The following SUPV3L1 variants were observed in gnomAD, a reference collection of about 807,000 sequenced individuals.
The protein encoded by SUPV3L1 is ATP-dependent RNA helicase SUPV3L1, mitochondrial.
In SUPV3L1, 35 loss-of-function variants were observed where a neutral mutation model predicts 70.0. The observed-to-expected ratio is 0.50, with a 90% CI of 0.38 to 0.66. SUPV3L1 has a LOEUF of 0.66. SUPV3L1 is among the 30% of genes least tolerant of loss of function. The pLI is 0.00. For synonymous variants in SUPV3L1, 364 were observed against 341.9 expected, an observed-to-expected ratio of 1.06 and a Z score of -0.71; for missense variants, 777 against 961.5, an observed-to-expected ratio of 0.81 and a Z score of 2.54.
intron 14 of SUPV3L1, 68 bp downstream of exon 14, chr10:69,208,009 G>T (rs1003262012): frequency 7.7e-6 from 12 of 1,560,042 alleles, no homozygotes; most frequent in South Asian, 1.2e-5. Flanking sequence ...TTATGAATTT[G>T]TTTTTCTATT....
chr10:69,184,476 A>C (rs929325316), intron 1 of SUPV3L1, among the ~76,000 whole-genome samples: 3 of 152,216 alleles, frequency 2.0e-5, no homozygotes, highest in Non-Finnish European at 4.4e-5. Context: ...CGGAGGTTGC[A>C]GTGAGCTGAG....
At chr10:69,198,038 TA>T (rs1842587523) in intron 8 of SUPV3L1, among the ~76,000 whole-genome samples, 1 of 152,204 alleles carries the variant, frequency 6.6e-6, no homozygotes, top group Non-Finnish European at 1.5e-5. Flanking sequence ...ATTAATTTTT[TA>T]TTGGGCTCAG....
chr10:69,190,028 T>C (rs1373738966), intron 5 of SUPV3L1, among the ~76,000 whole-genome samples: 1 of 152,182 alleles, frequency 6.6e-6, no homozygotes, highest in East Asian at 1.9e-4. Flanking sequence ...AAATACAATA[T>C]TGAAGAACAT....
In SUPV3L1 at chr10:69,197,045, G is replaced by T; in HGVS notation, c.985G>T (p.Val329Leu). 6.2e-7 allele frequency: 1 copy of T among 1,614,132 alleles called. No individual in the cohort carries two copies. Among genetic ancestry groups the T allele is most frequent in the Non-Finnish European group, 8.5e-7 (1 of 1,180,006 alleles). Reference protein sequence around the residue: ...LCGEPAAIDLVMELMYTTGEE... With the variant: ...LCGEPAAIDLLMELMYTTGEE... ...TGGAGAACCTGCTGCTATTGACCTGGTGATGGAGCTTATGTACACAACGGG... is the reference window on the plus strand; with the variant it reads ...TGGAGAACCTGCTGCTATTGACCTGTTGATGGAGCTTATGTACACAACGGG... The change falls in exon 8 of 15, where the codon GTG becomes TTG. Residue 329 changes from valine to leucine, a missense_variant. By Grantham distance (32) the Val-to-Leu change is conservative. Coordinates refer to ENST00000359655, the MANE Select transcript of SUPV3L1 (RefSeq NM_003171.5).
At chr10:69,194,572 G>A (rs570885593) in intron 6 of SUPV3L1, among the ~76,000 whole-genome samples, 2 of 152,054 alleles carry the variant, frequency 1.3e-5, no homozygotes, top group African/African-American at 2.4e-5. Context: ...GGATGGTCTC[G>A]ATCTCCTGAC....
Position 69,207,849 on chromosome 10 carries a change from C to T in SUPV3L1, c.1833C>T (p.Tyr611=), listed in dbSNP as rs759047968. 7.4e-6 allele frequency: 12 copies of T among 1,614,036 alleles called. No homozygotes were observed. The East Asian group carries it at 2.0e-4, about 27-fold the overall frequency. The change falls in exon 14 of 15, where the codon TAC becomes TAT. Residue 611 remains tyrosine (Y), a synonymous_variant. Coordinates refer to ENST00000359655, the MANE Select transcript of SUPV3L1 (RefSeq NM_003171.5). Reference sequence around the variant, plus strand: ...TGACCTTTGCATGGTTACGCCGATACATCAAATGGCCTTTACTTCCACCTA... The same window carrying T: ...TGACCTTTGCATGGTTACGCCGATATATCAAATGGCCTTTACTTCCACCTA... ...EPLTFAWLRR[Y]IKWPLLPPKN...
intron 14 of SUPV3L1, 35 bp from the exon 15 acceptor site, chr10:69,208,565 G>A (rs1842896879): frequency 2.5e-6 from 4 of 1,585,860 alleles, no homozygotes; most frequent in African/African-American, 1.3e-5. Context: ...TGCGATAAGA[G>A]CTGTTGCTAT....
At position 69,189,431 on chromosome 10, in the gene SUPV3L1, C is replaced by G. The variant is rs764558841; in HGVS notation, c.737C>G (p.Ala246Gly). ...LAHEIFEKSN[A>G]AGVPCDLVTG... Reference sequence around the variant, plus strand: ...CATGAGATCTTCGAAAAGAGTAATGCTGCTGTCAGTATATTACCAAATATT... The same window carrying G: ...CATGAGATCTTCGAAAAGAGTAATGGTGCTGTCAGTATATTACCAAATATT... The change falls in exon 5 of 15, where the codon GCT becomes GGT. Residue 246 changes from alanine (A) to glycine (G), a missense_variant. Ala to Gly is a moderately conservative substitution (Grantham distance 60). Transcript: ENST00000359655. 1 of 1,607,128 alleles carries G rather than the reference C, an allele frequency of 6.2e-7. No homozygotes were observed. Among genetic ancestry groups the G allele is most frequent in the East Asian group, 2.2e-5 (1 of 44,714 alleles).
At chr10:69,185,153 A>G (rs558608594) in intron 1 of SUPV3L1, among the ~76,000 whole-genome samples, 1 of 152,314 alleles carries the variant, frequency 6.6e-6, no homozygotes, top group South Asian at 2.1e-4. Flanking sequence ...TCTAATTGTT[A>G]GGAAGTTCTT....
chr10:69,201,846 CTTT>C (rs11459312), intron 11 of SUPV3L1, among the ~76,000 whole-genome samples: 1 of 142,128 alleles, frequency 7.0e-6, no homozygotes, highest in Non-Finnish European at 1.5e-5. Context: ...GCCGTAAAAT[CTTT>C]TTTTTTTTTT....
At chr10:69,204,017 G>A (rs1005127084) in intron 13 of SUPV3L1, among the ~76,000 whole-genome samples, 9 of 152,072 alleles carry the variant, frequency 5.9e-5, no homozygotes, top group African/African-American at 2.2e-4. Context: ...GAGCCACCTA[G>A]TCCAGCCTAA....
intron 13 of SUPV3L1, among the ~76,000 whole-genome samples, chr10:69,207,053 A>G (rs1009017921): frequency 6.6e-6 from 1 of 152,224 alleles, no homozygotes; most frequent in Non-Finnish European, 1.5e-5. Flanking sequence ...AGAGAAACTT[A>G]AGCTCGTATT....
chr10:69,195,993 C>A (rs1842533034), intron 7 of SUPV3L1, among the ~76,000 whole-genome samples: 1 of 152,044 alleles, frequency 6.6e-6, no homozygotes, highest in African/African-American at 2.4e-5. Context: ...GCACTCTTCC[C>A]ACCTCAGCCT....
In SUPV3L1 at chr10:69,191,757, A is replaced by G; in HGVS notation, c.844A>G (p.Thr282Ala). Residue 282 changes from threonine (T) to alanine (A), a missense_variant, in exon 6 of 15, where the codon ACA (threonine) becomes GCA (alanine). This residue lies in a region of SUPV3L1 where 619 missense variants were observed against 823.3 expected (regional missense o/e 0.75). Transcript: ENST00000359655. ...VSCTVEMCSV[T>A]TPYEVAVIDE... ...TTGTACAGTTGAGATGTGCAGTGTT[A>G]CAACTCCTTGTATGTATATGCTGTT... The G allele has an allele frequency of 2.5e-6, 4 of 1,613,024 alleles. No individual in the cohort carries two copies. In the South Asian group the frequency reaches 4.4e-5, roughly 18 times the overall value.
At chr10:69,193,779 A>G (rs917563859) in intron 6 of SUPV3L1, among the ~76,000 whole-genome samples, 2 of 152,150 alleles carry the variant, frequency 1.3e-5, no homozygotes, top group African/African-American at 2.4e-5. Flanking sequence ...CCTAAGTGTC[A>G]TTGTATTTTT....
intron 3 of SUPV3L1, among the ~76,000 whole-genome samples, chr10:69,186,999 A>T (rs1468067505): frequency 4.6e-5 from 7 of 152,216 alleles, no homozygotes; most frequent in Non-Finnish European, 1.0e-4. Flanking sequence ...CTGAGGATAC[A>T]ACGCAGAATG....
intron 13 of SUPV3L1, among the ~76,000 whole-genome samples, chr10:69,205,979 G>A (rs960866578): frequency 6.6e-6 from 1 of 152,026 alleles, no homozygotes; most frequent in African/African-American, 2.4e-5. Flanking sequence ...TTTGGAAGCT[G>A]TGCTCCATGG....
intron 5 of SUPV3L1, 70 bp from the exon 6 acceptor site, chr10:69,191,579 AGAACAC>A (rs2132280230): frequency 8.1e-7 from 1 of 1,239,958 alleles, no homozygotes; most frequent in Non-Finnish European, 1.2e-6. Context: ...GGTAGTGGAG[AGAACAC>A]CCTGTTAAAT....
chr10:69,198,466 T>G lies in SUPV3L1; in HGVS notation c.1118T>G (p.Phe373Cys). Residue 373 changes from phenylalanine (F) to cysteine (C), a missense_variant, in exon 9 of 15, where the codon TTT becomes TGT. Transcript: ENST00000359655. ...CGGCCTGGGGACTGCATTGTCTGTT[T>G]TAGCAAGAATGATATTTATTCTGTG... ...NLRPGDCIVC[F>C]SKNDIYSVSR... 1 of 1,614,098 alleles carries G rather than the reference T, an allele frequency of 6.2e-7. No individual in the cohort carries two copies. Among genetic ancestry groups the G allele is most frequent in the Non-Finnish European group, 8.5e-7 (1 of 1,179,998 alleles).
Sources: allele counts gnomAD v4.1 joint callset (sites outside exome capture counted in the v4.1 genomes callset), GRCh38; gene constraint gnomAD v4.1.1; regional missense constraint gnomAD v4.1.1; transcripts MANE v1.5; gene names NCBI Gene and HGNC (gene_info 2026-07-23, HGNC 2026-07-21).